TCF7L2: variants seen among roughly 807,000 people sequenced by gnomAD.
TCF7L2 encodes the protein transcription factor 7 like 2.
Under a neutral mutation model 77.9 loss-of-function variants are expected in TCF7L2, and 23 were observed. The observed-to-expected ratio is 0.30, with a 90% CI of 0.21 to 0.42. The LOEUF is 0.42. TCF7L2 is among the 10% of genes least tolerant of loss of function. TCF7L2 has a pLI of 1.00. For missense variants in TCF7L2, 654 were observed against 793.1 expected (o/e 0.82, Z 2.11); for synonymous variants, 413 against 340.2 (o/e 1.21, Z -2.36).
chr10:113,127,299 C>T (rs78854825), intron 5 of TCF7L2, among the ~76,000 whole-genome samples: 2,535 of 150,900 alleles, frequency 0.017, 44 homozygotes, highest in South Asian at 0.028. Context: ...ACCCTCCTCG[C>T]TCCCCTCCTC....
rs538732955 is a variant in TCF7L2, at chr10:112,955,481, T to C, written c.381+3874T>C. On this transcript the variant is annotated intron_variant, in intron 3 of 13. Coordinates refer to ENST00000627217, the MANE Select transcript of TCF7L2 (RefSeq NM_001146274.2). ...GCCAGCGCTTTCCACTTTGTTGATA[T>C]TGAAACTTTCTGAAATCCCAGAAAC... 3.6e-4 allele frequency among the ~76,000 whole-genome samples: 55 copies of C among 152,314 alleles called. No individual in the cohort carries two copies. The East Asian group carries it at 5.6e-3, about 15-fold the overall frequency.
intron 5 of TCF7L2, among the ~76,000 whole-genome samples, chr10:113,042,698 C>G (rs1264972968): frequency 6.6e-6 from 1 of 152,132 alleles, no homozygotes. Flanking sequence ...CTCTATCCAC[C>G]TGGTCACCTA....
chr10:113,017,163 C>T (rs2047481593), intron 4 of TCF7L2, among the ~76,000 whole-genome samples: 1 of 152,196 alleles, frequency 6.6e-6, no homozygotes, highest in Non-Finnish European at 1.5e-5. Context: ...ATCTACTGTC[C>T]AGAATGATTT....
intron 5 of TCF7L2, among the ~76,000 whole-genome samples, chr10:113,100,672 T>C (rs1163786613): frequency 6.6e-6 from 1 of 152,164 alleles, no homozygotes; most frequent in East Asian, 1.9e-4. Context: ...CTGGGCATGA[T>C]TAACAAATCA....
chr10:113,165,938 A>G lies in TCF7L2; in HGVS notation c.1775A>G (p.Gln592Arg), dbSNP rs2074020640. The G allele has an allele frequency of 6.5e-7, 1 of 1,545,088 alleles. No individual in the cohort carries two copies. The highest frequency in any genetic ancestry group is 8.7e-7 in the Non-Finnish European group (1 of 1,144,182). Reference sequence around the variant, plus strand: ...AGCTCCCTGGCCGGGACCCAGCCCCAGCCGCTGTCGCTCGTCACCAAGTCT... The same window carrying G: ...AGCTCCCTGGCCGGGACCCAGCCCCGGCCGCTGTCGCTCGTCACCAAGTCT... Residue 592 changes from glutamine to arginine, a missense_variant, in exon 14 of 14, where the codon CAG (glutamine) becomes CGG (arginine). Physicochemically the swap from Gln to Arg is conservative, Grantham distance 43 (BLOSUM62 1). Around this residue, in one of 6 missense-constraint regions of TCF7L2, gnomAD observed 272 missense variants for 215.4 expected, o/e 1.26. Coordinates refer to ENST00000627217, the MANE Select transcript of TCF7L2 (RefSeq NM_001146274.2).
intron 5 of TCF7L2, among the ~76,000 whole-genome samples, chr10:113,136,499 TC>T (rs1233443760): frequency 6.6e-6 from 1 of 152,222 alleles, no homozygotes; most frequent in Non-Finnish European, 1.5e-5. Context: ...CAACGCAGGC[TC>T]TTCACACAGC....
intron 5 of TCF7L2, chr10:113,130,052 G>A (rs1446738972): frequency 8.9e-7 from 1 of 1,122,412 alleles, no homozygotes; most frequent in African/African-American, 1.7e-5. Flanking sequence ...CATGCTTATG[G>A]TATTGACCAT....
chr10:113,090,339 G>A (rs2060245265), intron 5 of TCF7L2, among the ~76,000 whole-genome samples: 2 of 152,152 alleles, frequency 1.3e-5, no homozygotes, highest in African/African-American at 4.8e-5. Context: ...AAATAATAAA[G>A]CCTCTGTCTT....
At chr10:112,964,816 G>GTGAT (rs1331506565) in intron 4 of TCF7L2, among the ~76,000 whole-genome samples, 192 bp downstream of exon 4, 21 of 148,154 alleles carry the variant, frequency 1.4e-4, no homozygotes, top group African/African-American at 5.3e-4. Flanking sequence ...TGGTGGTGGG[G>GTGAT]GGGGGTTGAA....
intron 13 of TCF7L2, chr10:113,161,254 T>A (rs2073120082): frequency 2.7e-6 from 1 of 375,974 alleles, no homozygotes. Flanking sequence ...AAAAGAAGCG[T>A]GGCATTGAAC....
intron 4 of TCF7L2, among the ~76,000 whole-genome samples, chr10:113,025,015 G>C (rs1434408200): frequency 6.6e-6 from 1 of 152,060 alleles, no homozygotes; most frequent in African/African-American, 2.4e-5. Context: ...CCTCACTTGA[G>C]GTCAGGTGTA....
intron 5 of TCF7L2, among the ~76,000 whole-genome samples, chr10:113,061,146 C>T (rs774072100): frequency 2.0e-4 from 31 of 152,118 alleles, no homozygotes; most frequent in Non-Finnish European, 3.2e-4. Flanking sequence ...CTCACCCCCC[C>T]GACAAAAATC....
chr10:112,964,956 A>C (rs2036397061), intron 4 of TCF7L2, among the ~76,000 whole-genome samples: 1 of 152,166 alleles, frequency 6.6e-6, no homozygotes, highest in Admixed American at 6.5e-5. Context: ...TAATGGGCAC[A>C]CAGACCCCAG....
chr10:113,158,962 T>G (rs1309299190), intron 12 of TCF7L2, among the ~76,000 whole-genome samples: 1 of 151,648 alleles, frequency 6.6e-6, no homozygotes, highest in Non-Finnish European at 1.5e-5. Flanking sequence ...GTGATGACAG[T>G]GATTTAGAGT....
At chr10:113,129,943 C>T (rs2066297228) in intron 5 of TCF7L2, 5 of 1,292,978 alleles carry the variant, frequency 3.9e-6, no homozygotes, top group African/African-American at 1.5e-5. Context: ...CGGGGTCTCT[C>T]TGTTCCAGCA....
chr10:113,054,519 G>A (rs2055012725), intron 5 of TCF7L2, among the ~76,000 whole-genome samples: 1 of 152,112 alleles, frequency 6.6e-6, no homozygotes, highest in Non-Finnish European at 1.5e-5. Flanking sequence ...TGATTGTTCT[G>A]TCTGTTCTCC....
intron 5 of TCF7L2, among the ~76,000 whole-genome samples, chr10:113,123,264 C>G (rs1022612332): frequency 1.3e-5 from 2 of 152,198 alleles, no homozygotes; most frequent in South Asian, 4.1e-4. Flanking sequence ...TTAACAACTC[C>G]GGTTCAGAGC....
chr10:113,107,774 A>AAAAAAAAAAAAAT (rs1408038947), intron 5 of TCF7L2, among the ~76,000 whole-genome samples: 1 of 149,798 alleles, frequency 6.7e-6, no homozygotes, highest in Non-Finnish European at 1.5e-5. Context: ...AAAAAAAAAA[A>AAAAAAAAAAAAAT]AACAACAAAA....
intron 5 of TCF7L2, among the ~76,000 whole-genome samples, chr10:113,086,967 G>A (rs2059902935): frequency 6.6e-6 from 1 of 151,870 alleles, no homozygotes; most frequent in Non-Finnish European, 1.5e-5. Context: ...GTGTGGTCTT[G>A]AGGGGGTAAT....
Sources: allele counts gnomAD v4.1 joint callset (sites outside exome capture counted in the v4.1 genomes callset), GRCh38; gene constraint gnomAD v4.1.1; regional missense constraint gnomAD v4.1.1; transcripts MANE v1.5; gene names NCBI Gene and HGNC (gene_info 2026-07-23, HGNC 2026-07-21).